The following BARD1 variants were observed in gnomAD, a reference collection of about 807,000 sequenced individuals.
BARD1 encodes BRCA1 associated RING domain 1.
In BARD1, 73 loss-of-function variants were observed where a neutral mutation model predicts 77.0. The observed-to-expected ratio is 0.95, with a 90% CI of 0.79 to 1.15. The LOEUF is 1.15. BARD1 is among the 50% of genes most tolerant of loss of function. The pLI, the probability that BARD1 is intolerant of heterozygous loss-of-function variation, is 0.00. For synonymous variants in BARD1, 384 were observed against 338.0 expected, an observed-to-expected ratio of 1.14 and a Z score of -1.49; for missense variants, 993 against 938.8, an observed-to-expected ratio of 1.06 and a Z score of -0.75.
chr2:214,729,292 T>C (rs1486281977), intron 10 of BARD1, among the ~76,000 whole-genome samples: 2 of 152,218 alleles, frequency 1.3e-5, no homozygotes, highest in African/African-American at 4.8e-5. Context: ...AGTAATTTTG[T>C]GCATGAAACA....
intron 4 of BARD1, among the ~76,000 whole-genome samples, chr2:214,773,459 T>C (rs932208371): frequency 5.9e-5 from 9 of 152,158 alleles, no homozygotes; most frequent in Non-Finnish European, 7.3e-5. Context: ...TCTTAGAATT[T>C]ACTGAATAAA....
chr2:214,745,437 C>A (rs893897797), intron 8 of BARD1, among the ~76,000 whole-genome samples: 2 of 152,200 alleles, frequency 1.3e-5, no homozygotes, highest in South Asian at 2.1e-4. Flanking sequence ...TGACATTACA[C>A]TGCACAACAA....
At chr2:214,808,161 G>A (rs1696361835) in intron 1 of BARD1, among the ~76,000 whole-genome samples, 1 of 152,242 alleles carries the variant, frequency 6.6e-6, no homozygotes, top group Non-Finnish European at 1.5e-5. Flanking sequence ...TGTAATCCCA[G>A]CACTTTGGGA....
rs368649242 is a variant in BARD1 at position 214,780,815 on chromosome 2, G to C, written c.1059C>G (p.Pro353=). 258 of 1,613,938 alleles carry C rather than the reference G, an allele frequency of 1.6e-4. No homozygotes were observed. Among genetic ancestry groups the C allele is most frequent in the Non-Finnish European group, 2.1e-4 (248 of 1,180,006 alleles). Reference sequence around the variant, plus strand: ...ATTCAGGCAATGGTATATTTTCTGAGGGCACCGTTTGCTTAACAAAATCTC... The same window carrying C: ...ATTCAGGCAATGGTATATTTTCTGACGGCACCGTTTGCTTAACAAAATCTC... ...TSGDFVKQTV[P]SENIPLPECS... The change falls in exon 4 of 11, where the codon CCC becomes CCG. Residue 353 remains proline, a synonymous_variant. Coordinates refer to ENST00000260947, the MANE Select transcript of BARD1 (RefSeq NM_000465.4).
At chr2:214,730,549 TG>T in intron 9 of BARD1, 41 bp from the exon 10 acceptor site, 1 of 1,481,062 alleles carries the variant, frequency 6.8e-7, no homozygotes, top group East Asian at 2.3e-5. Flanking sequence ...AAGTATCAAG[TG>T]AGCACTATAT....
Position 214,767,501 on chromosome 2 carries a change from C to A in BARD1, c.1549G>T (p.Gly517Ter). Reference sequence around the variant, plus strand: ...ACTTACACAGCATTTCTGGAGGCTCCATAGGAAAGTAACAGCTTGACTATA... The same window carrying A: ...ACTTACACAGCATTTCTGGAGGCTCAATAGGAAAGTAACAGCTTGACTATA... ...VDIVKLLLSY[G>*]ASRNAVNIFG... The change falls in exon 6 of 11, where the codon GGA becomes TGA. Residue 517 changes from glycine (G) to a stop codon, truncating the protein, a stop_gained. Coordinates refer to ENST00000260947, the MANE Select transcript of BARD1 (RefSeq NM_000465.4). LOFTEE classifies it high-confidence loss of function. 1 of 1,613,708 alleles carries A rather than the reference C, an allele frequency of 6.2e-7. No homozygotes were observed. Among genetic ancestry groups the A allele is most frequent in the South Asian group, 1.1e-5 (1 of 91,074 alleles).
At chr2:214,737,608 A>C (rs1428842535) in intron 9 of BARD1, among the ~76,000 whole-genome samples, 2 of 152,098 alleles carry the variant, frequency 1.3e-5, no homozygotes, top group Admixed American at 1.3e-4. Flanking sequence ...TTTAAGACAA[A>C]TCAATTGAGT....
In BARD1 at chr2:214,745,074, T is replaced by G. The variant is rs1413512912; in HGVS notation, c.1896A>C (p.Lys632Asn). The change falls in exon 9 of 11, where the codon AAA becomes AAC. Residue 632 changes from lysine to asparagine, a missense_variant. Coordinates refer to ENST00000260947, the MANE Select transcript of BARD1 (RefSeq NM_000465.4). ...CTCAAATCCAACACTTACATTCAAA[T>G]TTTAGAATCCAGCATCCATTGAGAA... ...LGILNGCWIL[K>N]FEWVKACLRR... 6.2e-7 allele frequency: 1 copy of G among 1,613,604 alleles called. No homozygotes were observed. The highest frequency in any genetic ancestry group is 1.7e-5 in the Admixed American group (1 of 60,012).
At chr2:214,783,984 G>A (rs2106117655) in intron 3 of BARD1, among the ~76,000 whole-genome samples, 1 of 151,874 alleles carries the variant, frequency 6.6e-6, no homozygotes, top group African/African-American at 2.4e-5. Context: ...CTAAAACAAT[G>A]TCCTGAAGTC....
chr2:214,805,633 C>T (rs1298423668), intron 1 of BARD1, among the ~76,000 whole-genome samples: 1 of 152,058 alleles, frequency 6.6e-6, no homozygotes, highest in African/African-American at 2.4e-5. Flanking sequence ...GATAAAATAA[C>T]CTAAATAATG....
At chr2:214,751,642 TG>T (rs1467374728) in intron 7 of BARD1, among the ~76,000 whole-genome samples, 1 of 152,166 alleles carries the variant, frequency 6.6e-6, no homozygotes, top group Non-Finnish European at 1.5e-5. Flanking sequence ...ATCTCTAGCT[TG>T]TACCTCTCTC....
intron 6 of BARD1, among the ~76,000 whole-genome samples, chr2:214,761,601 G>C (rs1439919362): frequency 1.3e-5 from 2 of 152,098 alleles, no homozygotes; most frequent in Admixed American, 6.5e-5. Context: ...TGGAGTTCAA[G>C]ACCAGCTTGG....
intron 6 of BARD1, among the ~76,000 whole-genome samples, chr2:214,765,024 C>CCCAGCTGTATCAACCAGCTGT (rs1169275964): frequency 1.3e-5 from 2 of 152,172 alleles, no homozygotes; most frequent in African/African-American, 4.8e-5. Context: ...TTCCCAACTG[C>CCCAGCTGTATCAACCAGCTGT]CCAGCTGTAT....
intron 9 of BARD1, among the ~76,000 whole-genome samples, chr2:214,737,286 C>T (rs941077961): frequency 3.3e-5 from 5 of 152,056 alleles, no homozygotes; most frequent in African/African-American, 9.7e-5. Flanking sequence ...GAGTCCTCAG[C>T]CTGCCGATTT....
rs1185811640 is a variant in BARD1 at position 214,727,822 on chromosome 2, CAGA to C, written c.*851_*853del. 4 of 223,196 alleles carry C rather than the reference CAGA, an allele frequency of 1.8e-5. No homozygotes were observed. Among genetic ancestry groups the C allele is most frequent in the African/African-American group, 8.9e-5 (4 of 44,768 alleles). The allele number at this position is 223,196 out of a possible 1,614,324, so 13.8% of individuals were successfully genotyped here. On this transcript the variant is annotated 3_prime_UTR_variant, in exon 11 of 11. Coordinates refer to ENST00000260947, the MANE Select transcript of BARD1 (RefSeq NM_000465.4). ...TTTTACAAATACCAACAAGGTTTAC[CAGA>C]AGAAGACTGCTTCTTAATTTAAAGT...
chr2:214,765,204 G>T (rs942813825), intron 6 of BARD1, among the ~76,000 whole-genome samples: 2 of 152,136 alleles, frequency 1.3e-5, no homozygotes, highest in Non-Finnish European at 2.9e-5. Context: ...CCACAGAAAG[G>T]TCTACTGGAC....
At chr2:214,787,091 AAC>A (rs1052176358) in intron 3 of BARD1, among the ~76,000 whole-genome samples, 1 of 151,900 alleles carries the variant, frequency 6.6e-6, no homozygotes, top group Non-Finnish European at 1.5e-5. Context: ...AATTATTTTA[AAC>A]ACAGATGACA....
intron 4 of BARD1, among the ~76,000 whole-genome samples, chr2:214,772,737 G>T (rs1471599484): frequency 2.6e-5 from 4 of 151,958 alleles, no homozygotes. Context: ...TGAAAGTTTT[G>T]TCATATTTTC....
intron 7 of BARD1, among the ~76,000 whole-genome samples, chr2:214,746,480 A>G (rs1048795935): frequency 6.6e-6 from 1 of 152,206 alleles, no homozygotes; most frequent in African/African-American, 2.4e-5. Flanking sequence ...GTTTCACTTT[A>G]AAATCTAGAC....
Sources: allele counts gnomAD v4.1 joint callset (sites outside exome capture counted in the v4.1 genomes callset), GRCh38; gene constraint gnomAD v4.1.1; transcripts MANE v1.5; gene names NCBI Gene and HGNC (gene_info 2026-07-23, HGNC 2026-07-21).